The following CLVS1 variants were observed in gnomAD, a reference collection of about 807,000 sequenced individuals.
CLVS1 encodes clavesin-1.
Under a neutral mutation model 33.1 loss-of-function variants are expected in CLVS1, and 10 were observed. The ratio of observed to expected loss-of-function variants is 0.30; its 90% CI spans 0.19 to 0.51. CLVS1 has a LOEUF of 0.51. Ranked by LOEUF, CLVS1 falls within the 20% of genes least tolerant of loss-of-function variation. The pLI is 0.97. For missense variants in CLVS1, 343 were observed against 433.4 expected (o/e 0.79, Z 1.85); for synonymous variants, 163 against 166.1 (o/e 0.98, Z 0.14).
In CLVS1 at chr8:61,075,096, C is replaced by T. The variant is rs558819414; in HGVS notation, c.-243+17866C>T. Among the ~76,000 whole-genome samples the T allele has an allele frequency of 1.6e-4, 25 of 152,218 alleles. No homozygotes were observed. The South Asian group carries it at 3.1e-3, about 19-fold the overall frequency. ...CCTCTTCCGAAGGCAGCATGCCATC[C>T]GTGACCCAGGCTGAAGGGAAGGACT... On this transcript the variant is annotated intron_variant, in intron 1 of 2. Coordinates refer to the CLVS1 transcript ENST00000522621.
intron 1 of CLVS1, among the ~76,000 whole-genome samples, chr8:61,110,181 CG>C (rs1282886263): frequency 6.6e-6 from 1 of 152,144 alleles, no homozygotes; most frequent in East Asian, 1.9e-4. Flanking sequence ...CCAGTGGGGT[CG>C]GCCTGTAACC....
intron 2 of CLVS1, among the ~76,000 whole-genome samples, chr8:61,197,711 G>A (rs1437237161): frequency 1.3e-5 from 2 of 152,200 alleles, no homozygotes; most frequent in African/African-American, 4.8e-5. Context: ...GCAGAGATGG[G>A]ATTTGGCCAT....
intron 1 of CLVS1, among the ~76,000 whole-genome samples, chr8:61,088,897 G>A (rs1805178363): frequency 6.6e-6 from 1 of 151,678 alleles, no homozygotes; most frequent in Admixed American, 6.6e-5. Flanking sequence ...CGCCTCCTGG[G>A]TTCACGCCAT....
chr8:61,370,471 G>A (rs1490908024), intron 2 of CLVS1: 2 of 151,970 alleles, frequency 1.3e-5, no homozygotes, highest in African/African-American at 2.4e-5. Flanking sequence ...CTCACTGCAA[G>A]CTCCGCCTCC....
chr8:61,164,014 G>T (rs370841248), intron 2 of CLVS1, among the ~76,000 whole-genome samples: 5 of 152,158 alleles, frequency 3.3e-5, no homozygotes, highest in African/African-American at 1.2e-4. Context: ...GCCCACTCCC[G>T]GCTCGAATGC....
chr8:61,304,990 G>A (rs1810571233), intron 2 of CLVS1, among the ~76,000 whole-genome samples: 1 of 152,072 alleles, frequency 6.6e-6, no homozygotes, highest in Non-Finnish European at 1.5e-5. Context: ...GAACCCCGAT[G>A]GCCAGCTTCC....
intron 5 of CLVS1, among the ~76,000 whole-genome samples, chr8:61,463,203 A>G (rs1817429529): frequency 6.6e-6 from 1 of 152,190 alleles, no homozygotes; most frequent in African/African-American, 2.4e-5. Context: ...CTCAACCTTC[A>G]TGAAATTGAA....
intron 2 of CLVS1, among the ~76,000 whole-genome samples, chr8:61,151,695 AG>A (rs748916637): frequency 7.9e-5 from 12 of 152,212 alleles, no homozygotes. Flanking sequence ...GGATGTGCAG[AG>A]TTCAAGAGGG....
intron 1 of CLVS1, among the ~76,000 whole-genome samples, chr8:61,127,159 G>T (rs923106995): frequency 2.0e-5 from 3 of 151,910 alleles, no homozygotes; most frequent in Non-Finnish European, 4.4e-5. Flanking sequence ...AACAAGATAT[G>T]GAATCAACTT....
At chr8:60,977,788 A>AT in the CLVS1 span, among the ~76,000 whole-genome samples, 1 of 152,256 alleles carries the variant, frequency 6.6e-6, no homozygotes, top group Admixed American at 6.5e-5. Flanking sequence ...GAGGAAATAC[A>AT]TGAATACATA....
chr8:61,273,378 C>G (rs1809489960), intron 2 of CLVS1, among the ~76,000 whole-genome samples: 1 of 152,118 alleles, frequency 6.6e-6, no homozygotes. Context: ...GCTGGGAGAA[C>G]CACTGCTCTC....
chr8:61,314,437 C>T (rs1296425107), intron 2 of CLVS1, among the ~76,000 whole-genome samples: 2 of 152,174 alleles, frequency 1.3e-5, no homozygotes, highest in African/African-American at 2.4e-5. Context: ...TTGAGGTCTA[C>T]ATTTTAAAGG....
chr8:61,112,179 T>TACAC lies in CLVS1; in HGVS notation c.-242-19554_-242-19551dup, dbSNP rs749547863. Among the ~76,000 whole-genome samples the TACAC allele has an allele frequency of 4.9e-3, 434 of 89,156 alleles. 3 individuals carry two copies. Among genetic ancestry groups the TACAC allele is most frequent in the South Asian group, 9.7e-3 (21 of 2,170 alleles). The allele number at this position is 89,156 out of a possible 152,430, so 58.5% of individuals were successfully genotyped here. On this transcript the variant is annotated intron_variant, in intron 1 of 2. Coordinates refer to the CLVS1 transcript ENST00000522621. Reference sequence around the variant, plus strand: ...GTTATTATTTTAAAGTTCTCCGTGCTACACACACACACACACACACACACA... The same window carrying TACAC: ...GTTATTATTTTAAAGTTCTCCGTGCTACACACACACACACACACACACACACACA...
the CLVS1 span, among the ~76,000 whole-genome samples, chr8:60,985,543 G>A: frequency 6.6e-6 from 1 of 151,984 alleles, no homozygotes; most frequent in Non-Finnish European, 1.5e-5. Flanking sequence ...TCCACACTAC[G>A]CTCGTTCAGG....
intron 2 of CLVS1, among the ~76,000 whole-genome samples, chr8:61,241,189 T>C (rs1585715321): frequency 6.6e-6 from 1 of 152,208 alleles, no homozygotes; most frequent in East Asian, 1.9e-4. Flanking sequence ...ATTTAGTCTA[T>C]AGCAATATCC....
At chr8:61,348,316 C>T (rs2129598762) in intron 2 of CLVS1, among the ~76,000 whole-genome samples, 2 of 135,130 alleles carry the variant, frequency 1.5e-5, no homozygotes, top group Middle Eastern at 4.3e-3. Flanking sequence ...GAACATCACA[C>T]ACTGGGGCCT....
intron 2 of CLVS1, among the ~76,000 whole-genome samples, chr8:61,347,624 C>A (rs1812265083): frequency 2.0e-5 from 2 of 98,524 alleles, no homozygotes; most frequent in South Asian, 3.5e-4. Flanking sequence ...TTGGCCATTC[C>A]ATTATATATA....
At chr8:61,286,680 T>C (rs935886156), upstream of CLVS1, among the ~76,000 whole-genome samples, 2 of 152,118 alleles carry the variant, frequency 1.3e-5, no homozygotes, top group Non-Finnish European at 2.9e-5. Context: ...TATGTTAGAG[T>C]TGGAAGAATT....
chr8:61,058,270 A>G (rs1356728858), intron 1 of CLVS1, among the ~76,000 whole-genome samples: 1 of 152,084 alleles, frequency 6.6e-6, no homozygotes, highest in Non-Finnish European at 1.5e-5. Context: ...GCAGGACAGG[A>G]TGTGTTTACT....
Sources: gnomAD v4.1 joint callset for allele counts (sites outside exome capture counted in the v4.1 genomes callset) on GRCh38, gnomAD v4.1.1 for gene constraint, MANE v1.5 for transcripts, NCBI Gene and HGNC (gene_info 2026-07-23, HGNC 2026-07-21) for gene names.